Variants in CNIH3 observed in about 807,000 individuals in gnomAD.
The protein encoded by CNIH3 is protein cornichon homolog 3.
A neutral mutation model predicts 24.1 loss-of-function variants in CNIH3; 14 were observed. The observed-to-expected ratio is 0.58, with a 90% CI of 0.38 to 0.91. CNIH3 has a LOEUF of 0.91. Among genes scored for constraint, CNIH3 ranks in the 40% least tolerant of loss-of-function variants. The pLI is 0.00. For missense variants in CNIH3, 178 were observed against 196.8 expected (o/e 0.90, Z 0.57); for synonymous variants, 68 against 73.8 (o/e 0.92, Z 0.40).
intron 3 of CNIH3, among the ~76,000 whole-genome samples, chr1:224,606,535 T>C (rs7532595): frequency 0.7 from 106,094 of 152,070 alleles, 38,554 homozygotes; most frequent in East Asian, 0.94. Context: ...GCTGCACCTC[T>C]GCCAGTGGAG....
Position 224,659,590 on chromosome 1 carries a change from T to C in CNIH3, c.82-21368T>C, listed in dbSNP as rs187717971. On this transcript the variant is annotated intron_variant, in intron 1 of 5. Transcript: ENST00000272133. Reference sequence around the variant, plus strand: ...TGTCCAGGGTCATGAGTGAACCTTATAAAGGAAAGAAGAAACCGGGAAACG... The same window carrying C: ...TGTCCAGGGTCATGAGTGAACCTTACAAAGGAAAGAAGAAACCGGGAAACG... Among the ~76,000 whole-genome samples the C allele has an allele frequency of 5.1e-4, 78 of 152,114 alleles. 1 individual carries two copies. The highest frequency in any genetic ancestry group is 4.7e-3 in the Admixed American group (72 of 15,278).
intron 1 of CNIH3, among the ~76,000 whole-genome samples, chr1:224,656,088 T>C (rs554138090): frequency 9.6e-4 from 146 of 152,324 alleles, no homozygotes; most frequent in Middle Eastern, 3.4e-3. Flanking sequence ...TGGGGCAGTT[T>C]CAGTCCCTCC....
At chr1:224,581,540 T>C (rs1681273623) in intron 4 of CNIH3, among the ~76,000 whole-genome samples, 1 of 152,184 alleles carries the variant, frequency 6.6e-6, no homozygotes, top group Non-Finnish European at 1.5e-5. Flanking sequence ...TTCTCCTTGC[T>C]CTTGAGAATA....
intron 3 of CNIH3, among the ~76,000 whole-genome samples, chr1:224,720,419 C>G (rs1572805432): frequency 6.6e-6 from 1 of 152,094 alleles, no homozygotes; most frequent in South Asian, 2.1e-4. Flanking sequence ...GGCAGCAGAG[C>G]CTCACCTGGG....
chr1:224,561,624 T>G (rs572982689), intron 3 of CNIH3, among the ~76,000 whole-genome samples: 1 of 152,270 alleles, frequency 6.6e-6, no homozygotes, highest in African/African-American at 2.4e-5. Flanking sequence ...AAACGAGACT[T>G]TCTTAGAACT....
chr1:224,477,948 T>G (rs1485059384), intron 1 of CNIH3, among the ~76,000 whole-genome samples: 3 of 152,140 alleles, frequency 2.0e-5, no homozygotes, highest in Non-Finnish European at 4.4e-5. Flanking sequence ...TATTTTAGAG[T>G]AAAAGTTTTT....
intron 1 of CNIH3, among the ~76,000 whole-genome samples, chr1:224,509,543 C>T (rs1015968738): frequency 1.2e-4 from 18 of 152,158 alleles, no homozygotes; most frequent in Non-Finnish European, 2.2e-4. Context: ...TGCCACAGGT[C>T]AGGCTCTTGC....
chr1:224,698,433 C>T (rs888964981), intron 3 of CNIH3, among the ~76,000 whole-genome samples: 4 of 152,118 alleles, frequency 2.6e-5, no homozygotes, highest in Non-Finnish European at 5.9e-5. Context: ...ACTCAGCGCA[C>T]CAGCATAAGG....
intron 1 of CNIH3, among the ~76,000 whole-genome samples, chr1:224,465,327 T>C (rs1163587476): frequency 6.6e-6 from 1 of 152,216 alleles, no homozygotes; most frequent in Admixed American, 6.5e-5. Context: ...CAGGCTGGTC[T>C]CGAACTCCCG....
Position 224,695,288 on chromosome 1 carries a change from C to G in CNIH3, c.198+10445C>G, listed in dbSNP as rs1015561412. Among the ~76,000 whole-genome samples the G allele has an allele frequency of 5.9e-5, 9 of 152,144 alleles. No homozygotes were observed. In the South Asian group the frequency reaches 6.2e-4, roughly 11 times the overall value. ...TGGGTCTCTGGCCTGCCAGCCCACT[C>G]TGCAGATTTTGAACTTACCAAATCT... On this transcript the variant is annotated intron_variant, in intron 3 of 5. Transcript: ENST00000272133.
At chr1:224,517,317 T>C (rs1678431676) in intron 1 of CNIH3, among the ~76,000 whole-genome samples, 1 of 152,028 alleles carries the variant, frequency 6.6e-6, no homozygotes, top group Non-Finnish European at 1.5e-5. Flanking sequence ...ATTTCATAAA[T>C]CGGGATGCTG....
intron 1 of CNIH3, among the ~76,000 whole-genome samples, chr1:224,638,731 C>T (rs114141750): frequency 8.2e-4 from 125 of 152,318 alleles, no homozygotes; most frequent in African/African-American, 2.7e-3. Flanking sequence ...GCACTGGCCA[C>T]GGGATCTCTC....
At chr1:224,698,278 T>C (rs1687283544) in intron 3 of CNIH3, among the ~76,000 whole-genome samples, 1 of 152,226 alleles carries the variant, frequency 6.6e-6, no homozygotes, top group South Asian at 2.1e-4. Context: ...CTGTTTCCTT[T>C]CTGTATCAGC....
At chr1:224,709,893 A>G (rs541589490) in intron 3 of CNIH3, among the ~76,000 whole-genome samples, 40 of 152,206 alleles carry the variant, frequency 2.6e-4, no homozygotes, top group Non-Finnish European at 4.6e-4. Flanking sequence ...AGATAGTACC[A>G]AGCTGCGGTA....
intron 1 of CNIH3, among the ~76,000 whole-genome samples, chr1:224,445,241 G>C (rs193035353): frequency 2.0e-5 from 3 of 152,086 alleles, no homozygotes; most frequent in Admixed American, 2.0e-4. Context: ...TTTGTGAAGT[G>C]CCTTTTCAAA....
At chr1:224,510,979 C>T (rs1439011628), upstream of CNIH3, among the ~76,000 whole-genome samples, 1 of 152,166 alleles carries the variant, frequency 6.6e-6, no homozygotes, top group East Asian at 1.9e-4. Context: ...AAAATGCAAG[C>T]CAGAGGATGT....
In CNIH3 at chr1:224,438,150, T is replaced by C. The variant is rs979942981; in HGVS notation, n.203+3288T>C. 2.6e-5 allele frequency among the ~76,000 whole-genome samples: 4 copies of C among 152,114 alleles called. No homozygotes were observed. The South Asian group carries it at 8.3e-4, about 32-fold the overall frequency. On this transcript the variant is annotated intron_variant and non_coding_transcript_variant, in intron 1 of 5. Transcript: ENST00000471578. ...CGTGTTAGCCAAGATGGTCTCGATC[T>C]CCTGACCTCGTGATCTGCCCACCTC...
At chr1:224,501,996 T>G (rs1248654684) in intron 1 of CNIH3, among the ~76,000 whole-genome samples, 1 of 152,120 alleles carries the variant, frequency 6.6e-6, no homozygotes, top group Non-Finnish European at 1.5e-5. Context: ...GGAGGCTTCA[T>G]GAGCAACTGG....
chr1:224,545,714 G>C (rs1191003384), intron 2 of CNIH3, among the ~76,000 whole-genome samples: 3 of 152,208 alleles, frequency 2.0e-5, no homozygotes. Flanking sequence ...TTGTGGCCTT[G>C]AACAAAGTGT....
Sources: allele counts gnomAD v4.1 joint callset (sites outside exome capture counted in the v4.1 genomes callset), GRCh38; gene constraint gnomAD v4.1.1; transcripts MANE v1.5; gene names NCBI Gene and HGNC (gene_info 2026-07-23, HGNC 2026-07-21).